RBFOX1: variants seen among roughly 807,000 people sequenced by gnomAD.
RBFOX1 encodes the protein RNA binding fox-1 homolog 1, also known as RNA binding protein fox-1 homolog 1.
Under a neutral mutation model 57.7 loss-of-function variants are expected in RBFOX1, and 8 were observed. The observed-to-expected ratio is 0.14, with a 90% CI of 0.08 to 0.25. The LOEUF (loss-of-function observed/expected upper bound fraction) is 0.25, where lower values mean the gene tolerates loss of function less well. RBFOX1 is among the 10% of genes least tolerant of loss of function. The pLI is 1.00. For synonymous variants in RBFOX1, 326 were observed against 222.4 expected (o/e 1.47, Z -4.15); for missense variants, 611 against 548.5 (o/e 1.11, Z -1.14).
intron 1 of RBFOX1, among the ~76,000 whole-genome samples, chr16:6,118,769 C>G (rs1420530305): frequency 6.7e-6 from 1 of 148,496 alleles, no homozygotes; most frequent in Non-Finnish European, 1.5e-5. Context: ...CTCTTTCTCC[C>G]TCTCTTTCTC....
chr16:5,408,510 G>A (rs1390248549), intron 1 of RBFOX1, among the ~76,000 whole-genome samples: 5 of 152,214 alleles, frequency 3.3e-5, no homozygotes, highest in Admixed American at 3.3e-4. Context: ...CCCACGTCTG[G>A]TTTCTGAGGG....
intron 4 of RBFOX1, among the ~76,000 whole-genome samples, chr16:7,454,289 C>A (rs1026252429): frequency 6.6e-6 from 1 of 152,162 alleles, no homozygotes; most frequent in Non-Finnish European, 1.5e-5. Flanking sequence ...GTCAAGGAAG[C>A]AAGGAAGATG....
chr16:5,436,533 T>C (rs548154148), intron 1 of RBFOX1, among the ~76,000 whole-genome samples: 1 of 152,292 alleles, frequency 6.6e-6, no homozygotes, highest in East Asian at 1.9e-4. Flanking sequence ...AGAGTTTCAT[T>C]TGAAATGCCA....
intron 3 of RBFOX1, among the ~76,000 whole-genome samples, chr16:6,850,465 C>A (rs1438655129): frequency 2.0e-5 from 3 of 151,952 alleles, no homozygotes; most frequent in East Asian, 1.9e-4. Context: ...GAGTTGAGAG[C>A]TTATCAGGAG....
chr16:7,414,491 A>T (rs4786164), intron 4 of RBFOX1, among the ~76,000 whole-genome samples: 28,745 of 152,272 alleles, frequency 0.19, 7,193 homozygotes, highest in African/African-American at 0.56. Context: ...ACAGATCTGT[A>T]GTAGTCATCT....
intron 4 of RBFOX1, among the ~76,000 whole-genome samples, chr16:7,273,124 C>G (rs1291670082): frequency 2.2e-5 from 3 of 134,388 alleles, no homozygotes; most frequent in Admixed American, 1.5e-4. Context: ...CTCTCCCTCC[C>G]TTTCCTCCTT....
At chr16:6,521,360 T>C (rs2153802306) in intron 2 of RBFOX1, among the ~76,000 whole-genome samples, 1 of 152,162 alleles carries the variant, frequency 6.6e-6, no homozygotes, top group Non-Finnish European at 1.5e-5. Context: ...TTTCTCCTCC[T>C]CATTTAATTT....
chr16:5,251,114 A>T (rs1358854176), intron 1 of RBFOX1, among the ~76,000 whole-genome samples: 1 of 139,954 alleles, frequency 7.1e-6, no homozygotes, highest in East Asian at 2.2e-4. Flanking sequence ...GTCCCCGCAG[A>T]CCCTGCTAAC....
Position 6,122,808 on chromosome 16 carries a change from G to A in RBFOX1, c.-127+102816G>A, listed in dbSNP as rs550924481. 9.7e-4 allele frequency among the ~76,000 whole-genome samples: 147 copies of A among 151,350 alleles called. 1 individual carries two copies. The highest frequency in any genetic ancestry group is 9.2e-4 in the Non-Finnish European group (62 of 67,740). On this transcript the variant is annotated intron_variant, in intron 1 of 15. Coordinates refer to ENST00000550418, the MANE Select transcript of RBFOX1 (RefSeq NM_018723.4). ...TGTGTGGCTATGTGTGTGTATGTGT[G>A]TGTGTGTGTGTGTGTGTGTGTGTAT...
chr16:7,475,765 A>G (rs116254997), intron 4 of RBFOX1, among the ~76,000 whole-genome samples: 1,958 of 152,228 alleles, frequency 0.013, 39 homozygotes, highest in African/African-American at 0.044. Flanking sequence ...TGAGAATTTG[A>G]TTGTGTTAAA....
At chr16:5,688,631 C>T (rs918614569) in intron 3 of RBFOX1, among the ~76,000 whole-genome samples, 6 of 152,236 alleles carry the variant, frequency 3.9e-5, no homozygotes, top group South Asian at 4.2e-4. Flanking sequence ...GGTTGAGGGC[C>T]TGAACTGGGT....
rs1299172036 is a variant in RBFOX1 at position 6,246,641 on chromosome 16, G to C, written c.-126-70354G>C. Among the ~76,000 whole-genome samples, 4 of 152,186 alleles carry C rather than the reference G, an allele frequency of 2.6e-5. 1 individual carries two copies. The highest frequency in any genetic ancestry group is 2.6e-4 in the Admixed American group (4 of 15,276). On this transcript the variant is annotated intron_variant, in intron 1 of 15. Transcript: ENST00000550418. Reference sequence around the variant, plus strand: ...AGAGAGAAAATGAGAAAATATGCCAGGATGCAAAATGTTAGATGTCACAGT... The same window carrying C: ...AGAGAGAAAATGAGAAAATATGCCACGATGCAAAATGTTAGATGTCACAGT...
intron 4 of RBFOX1, among the ~76,000 whole-genome samples, chr16:7,161,574 G>C (rs17670213): frequency 0.16 from 24,125 of 152,080 alleles, 2,542 homozygotes; most frequent in East Asian, 0.42. Context: ...TGCTAAGGCT[G>C]TGTACCTACT....
intron 1 of RBFOX1, among the ~76,000 whole-genome samples, chr16:6,279,474 T>C (rs994578894): frequency 3.9e-5 from 6 of 152,154 alleles, no homozygotes; most frequent in Non-Finnish European, 8.8e-5. Flanking sequence ...GCCTTGGAGT[T>C]TGAAAATACT....
At chr16:6,381,951 A>C (rs1239539814) in intron 2 of RBFOX1, among the ~76,000 whole-genome samples, 1 of 152,196 alleles carries the variant, frequency 6.6e-6, no homozygotes, top group East Asian at 1.9e-4. Flanking sequence ...ATCCTCTCCT[A>C]GGAAAAGGCT....
At chr16:5,343,205 C>T (rs2065068543) in intron 1 of RBFOX1, among the ~76,000 whole-genome samples, 1 of 150,948 alleles carries the variant, frequency 6.6e-6, no homozygotes, top group Admixed American at 6.6e-5. Context: ...TGTTTGGTGA[C>T]ATTGTTGCTT....
intron 3 of RBFOX1, among the ~76,000 whole-genome samples, chr16:6,966,735 CT>C (rs1212585894): frequency 4.6e-5 from 7 of 151,972 alleles, no homozygotes; most frequent in African/African-American, 1.7e-4. Context: ...GTCACTGTAA[CT>C]CTGCCTGCCT....
rs1220303739 is a variant in RBFOX1, at chr16:6,760,166, G to A, written c.-16+105516G>A. Among the ~76,000 whole-genome samples, 4 of 152,126 alleles carry A rather than the reference G, an allele frequency of 2.6e-5. No individual in the cohort carries two copies. The East Asian group carries it at 7.7e-4, about 29-fold the overall frequency. ...AAAAAATGTACGTACACAAAGATAA[G>A]CATCGCTATGTTTGACTCCTTGGAT... On this transcript the variant is annotated intron_variant, in intron 3 of 15. Transcript: ENST00000550418.
At chr16:7,423,771 C>T (rs1159809074) in intron 4 of RBFOX1, among the ~76,000 whole-genome samples, 1 of 152,158 alleles carries the variant, frequency 6.6e-6, no homozygotes, top group East Asian at 1.9e-4. Flanking sequence ...CTCTCCTCAC[C>T]TGCTTTGAAG....
Sources: allele counts gnomAD v4.1 joint callset (sites outside exome capture counted in the v4.1 genomes callset), GRCh38; gene constraint gnomAD v4.1.1; transcripts MANE v1.5; gene names NCBI Gene and HGNC (gene_info 2026-07-23, HGNC 2026-07-21).